The following AFF3 variants were observed in gnomAD, a reference collection of about 807,000 sequenced individuals.
AFF3 encodes AF4/FMR2 family member 3.
Under a neutral mutation model 129.7 loss-of-function variants are expected in AFF3, and 32 were observed. The observed-to-expected ratio is 0.25, with a 90% CI of 0.19 to 0.33. The LOEUF is 0.33. Among genes scored for constraint, AFF3 ranks in the 10% least tolerant of loss-of-function variants. The probability of loss-of-function intolerance (pLI) is 1.00; values close to 1 mark genes in which losing one functional copy is unlikely to be tolerated. For missense variants in AFF3, 1,373 were observed against 1,592.0 expected (o/e 0.86, Z 2.34); for synonymous variants, 644 against 635.4 (o/e 1.01, Z -0.20).
intron 8 of AFF3, among the ~76,000 whole-genome samples, chr2:99,806,505 C>A (rs1392076725): frequency 6.6e-6 from 1 of 152,116 alleles, no homozygotes; most frequent in Admixed American, 6.5e-5. Flanking sequence ...TGCGATGCAC[C>A]AGGAATCTCG....
At chr2:99,998,689 A>C (rs898884029) in intron 7 of AFF3, among the ~76,000 whole-genome samples, 2 of 152,218 alleles carry the variant, frequency 1.3e-5, no homozygotes, top group African/African-American at 4.8e-5. Flanking sequence ...TCAGATAACA[A>C]ATACACAGAG....
At chr2:100,127,217 C>G (rs1573468640) in intron 2 of AFF3, among the ~76,000 whole-genome samples, 1 of 152,214 alleles carries the variant, frequency 6.6e-6, no homozygotes. Flanking sequence ...TTTAGAAAAT[C>G]CAGGATTACG....
At chr2:99,718,956 TA>T (rs774407678) in intron 11 of AFF3, among the ~76,000 whole-genome samples, 1 of 151,716 alleles carries the variant, frequency 6.6e-6, no homozygotes, top group Non-Finnish European at 1.5e-5. Context: ...TTCACCGTGT[TA>T]AGCCAGGATG....
At chr2:100,104,163 C>G (rs1691007464) in intron 4 of AFF3, among the ~76,000 whole-genome samples, 1 of 152,116 alleles carries the variant, frequency 6.6e-6, no homozygotes, top group Non-Finnish European at 1.5e-5. Context: ...TCACCAGTCC[C>G]TGGGCTGGGG....
intron 11 of AFF3, among the ~76,000 whole-genome samples, chr2:99,683,042 G>C (rs72968244): frequency 0.07 from 10,661 of 152,244 alleles, 440 homozygotes; most frequent in East Asian, 0.11. Context: ...TGGCCCTCCT[G>C]ATGGGTTTGG....
At chr2:99,816,893 A>G (rs1281730325) in intron 8 of AFF3, among the ~76,000 whole-genome samples, 1 of 152,108 alleles carries the variant, frequency 6.6e-6, no homozygotes. Flanking sequence ...AGTTTCCACC[A>G]GGAACCTCAG....
chr2:99,835,188 T>C (rs190316385), intron 8 of AFF3, among the ~76,000 whole-genome samples: 7 of 152,282 alleles, frequency 4.6e-5, no homozygotes, highest in Non-Finnish European at 8.8e-5. Context: ...TCCCTCTCCA[T>C]AGCAGCCAGA....
intron 4 of AFF3, among the ~76,000 whole-genome samples, chr2:100,051,152 T>C (rs1487003615): frequency 6.6e-6 from 1 of 152,180 alleles, no homozygotes; most frequent in African/African-American, 2.4e-5. Context: ...TAGTCTTCTT[T>C]AAATGTGGTT....
At chr2:99,727,559 ATTT>A (rs35336994) in intron 10 of AFF3, among the ~76,000 whole-genome samples, 44 of 127,714 alleles carry the variant, frequency 3.4e-4, no homozygotes, top group Admixed American at 5.6e-4. Flanking sequence ...GGAGGAAAGA[ATTT>A]TTTTTTTTTT....
chr2:99,959,339 CAA>C (rs34083581), intron 7 of AFF3, among the ~76,000 whole-genome samples: 11,614 of 66,366 alleles, frequency 0.17, 406 homozygotes, highest in East Asian at 0.44. Context: ...AAGAGTCTGC[CAA>C]AAAAAAAAAA....
chr2:99,573,736 T>C (rs1379479426), intron 18 of AFF3, among the ~76,000 whole-genome samples: 1 of 152,196 alleles, frequency 6.6e-6, no homozygotes, highest in East Asian at 1.9e-4. Flanking sequence ...CTTTCCTCAC[T>C]GTCGGGAGGT....
At chr2:99,632,051 T>C (rs1488955415) in intron 13 of AFF3, among the ~76,000 whole-genome samples, 1 of 148,408 alleles carries the variant, frequency 6.7e-6, no homozygotes, top group Non-Finnish European at 1.5e-5. Flanking sequence ...AGTCTCGCTT[T>C]GTCACCCAGG....
At chr2:99,745,373 C>T (rs751993991) in intron 9 of AFF3, among the ~76,000 whole-genome samples, 32 of 152,206 alleles carry the variant, frequency 2.1e-4, no homozygotes, top group Middle Eastern at 6.8e-3. Context: ...TCTAAATTTT[C>T]TAAATTTAAA....
chr2:99,584,979 G>A (rs1160503327), intron 16 of AFF3, among the ~76,000 whole-genome samples: 1 of 152,220 alleles, frequency 6.6e-6, no homozygotes, highest in African/African-American at 2.4e-5. Context: ...ATGGATACAT[G>A]TGGGGATAGC....
At chr2:99,687,851 G>A (rs1675221286) in intron 11 of AFF3, among the ~76,000 whole-genome samples, 1 of 152,030 alleles carries the variant, frequency 6.6e-6, no homozygotes, top group Admixed American at 6.6e-5. Flanking sequence ...CTATGATAAC[G>A]TAAGTCCATT....
intron 8 of AFF3, among the ~76,000 whole-genome samples, chr2:99,787,620 T>C (rs939046941): frequency 2.0e-5 from 3 of 152,198 alleles, no homozygotes; most frequent in Non-Finnish European, 4.4e-5. Context: ...TGCAGAGGTC[T>C]GAGCTGGGGC....
At chr2:99,905,098 C>G (rs1265699093) in intron 7 of AFF3, among the ~76,000 whole-genome samples, 1 of 152,096 alleles carries the variant, frequency 6.6e-6, no homozygotes, top group Non-Finnish European at 1.5e-5. Flanking sequence ...CCACCTCTGC[C>G]CCAATGCTGA....
chr2:99,882,865 T>C (rs1036493761), intron 7 of AFF3, among the ~76,000 whole-genome samples: 35 of 152,170 alleles, frequency 2.3e-4, no homozygotes, highest in African/African-American at 8.4e-4. Flanking sequence ...CATCAATTGG[T>C]TTATGATGTA....
chr2:99,648,876 A>AACACACACACACACAC (rs1183425993), intron 13 of AFF3, among the ~76,000 whole-genome samples: 1 of 32,768 alleles, frequency 3.1e-5, no homozygotes, highest in Non-Finnish European at 6.5e-5. Context: ...AGTTCCTCAA[A>AACACACACACACACAC]ACACGCGCGC....
Sources: gnomAD v4.1 joint callset for allele counts (sites outside exome capture counted in the v4.1 genomes callset) on GRCh38, gnomAD v4.1.1 for gene constraint, MANE v1.5 for transcripts, NCBI Gene and HGNC (gene_info 2026-07-23, HGNC 2026-07-21) for gene names.